AATF: variants seen among roughly 807,000 people sequenced by gnomAD.
AATF encodes the protein protein AATF.
A neutral mutation model predicts 63.7 loss-of-function variants in AATF; 48 were observed. The ratio of observed to expected loss-of-function variants is 0.75; its 90% CI spans 0.60 to 0.96. The LOEUF (loss-of-function observed/expected upper bound fraction) is 0.96. AATF is among the 40% of genes least tolerant of loss of function. AATF has a pLI of 0.00. For missense variants in AATF, 639 were observed against 685.7 expected (o/e 0.93, Z 0.76); for synonymous variants, 258 against 247.7 (o/e 1.04, Z -0.39).
chr17:36,967,491 C>A (rs1486723763), intron 4 of AATF, among the ~76,000 whole-genome samples: 1 of 152,136 alleles, frequency 6.6e-6, no homozygotes, highest in Non-Finnish European at 1.5e-5. Context: ...AGTTGATGTT[C>A]CTTAAGTCTC....
At chr17:36,980,114 T>G (rs2071110599) in intron 4 of AATF, 1 of 152,190 alleles carries the variant, frequency 6.6e-6, no homozygotes, top group South Asian at 2.1e-4. Context: ...CCTTATTTTG[T>G]AAGGACAAGC....
At chr17:37,046,765 A>G (rs2071696571) in intron 11 of AATF, among the ~76,000 whole-genome samples, 1 of 151,494 alleles carries the variant, frequency 6.6e-6, no homozygotes, top group Admixed American at 6.6e-5. Flanking sequence ...ACACACACAC[A>G]CACACGCATG....
At chr17:36,997,053 A>G (rs893072223) in intron 8 of AATF, among the ~76,000 whole-genome samples, 1 of 152,220 alleles carries the variant, frequency 6.6e-6, no homozygotes, top group Non-Finnish European at 1.5e-5. Context: ...ATATGTGGCC[A>G]AAATTACCCT....
At chr17:37,008,502 G>A (rs1164598406) in intron 8 of AATF, among the ~76,000 whole-genome samples, 1 of 152,162 alleles carries the variant, frequency 6.6e-6, no homozygotes, top group Non-Finnish European at 1.5e-5. Flanking sequence ...CTTAGAGAGT[G>A]GGAGATGGAA....
chr17:37,003,491 T>G (rs1459741095), intron 8 of AATF, among the ~76,000 whole-genome samples: 1 of 148,002 alleles, frequency 6.8e-6, no homozygotes, highest in Non-Finnish European at 1.5e-5. Flanking sequence ...TTTTTTTTTT[T>G]TTTTTGAGAC....
intron 10 of AATF, among the ~76,000 whole-genome samples, chr17:37,023,521 A>G (rs184113017): frequency 1.2e-4 from 18 of 149,432 alleles, no homozygotes; most frequent in African/African-American, 3.2e-4. Context: ...AAAAAGAGGC[A>G]TTCTTTTTAA....
intron 4 of AATF, among the ~76,000 whole-genome samples, chr17:36,979,032 A>T (rs2071100674): frequency 6.6e-6 from 1 of 152,024 alleles, no homozygotes; most frequent in Non-Finnish European, 1.5e-5. Flanking sequence ...TTTGTAATCA[A>T]TGCCCAAAGT....
intron 10 of AATF, among the ~76,000 whole-genome samples, chr17:37,023,498 T>C (rs548148172): frequency 6.6e-6 from 1 of 151,020 alleles, no homozygotes; most frequent in Non-Finnish European, 1.5e-5. Context: ...CTTATTCTTT[T>C]TAAACAGAGT....
chr17:37,048,662 C>T (rs2071717833), intron 11 of AATF, among the ~76,000 whole-genome samples: 1 of 152,158 alleles, frequency 6.6e-6, no homozygotes, highest in Non-Finnish European at 1.5e-5. Flanking sequence ...TGAGCCACTG[C>T]GCCCAGCCTT....
At chr17:37,051,697 G>GACAGACAGACAGACAGACACACACAC (rs1242892984) in intron 11 of AATF, among the ~76,000 whole-genome samples, 12 of 137,140 alleles carry the variant, frequency 8.8e-5, no homozygotes, top group African/African-American at 3.1e-4. Context: ...CAGACAGACA[G>GACAGACAGACAGACAGACACACACAC]ACACACACAC....
intron 10 of AATF, among the ~76,000 whole-genome samples, chr17:37,027,041 C>T (rs533693429): frequency 1.3e-5 from 2 of 152,198 alleles, no homozygotes; most frequent in East Asian, 3.9e-4. Flanking sequence ...TTAACATTAC[C>T]TTCTGGAAAC....
intron 7 of AATF, 146 bp downstream of exon 7, chr17:36,989,557 C>T (rs1021465917): frequency 9.8e-6 from 8 of 817,280 alleles, no homozygotes; most frequent in Non-Finnish European, 1.4e-5. Flanking sequence ...CTGAGAGAAA[C>T]TTGAGTGTAT....
At chr17:37,009,957 T>C (rs1178030720) in intron 8 of AATF, among the ~76,000 whole-genome samples, 4 of 151,974 alleles carry the variant, frequency 2.6e-5, no homozygotes, top group Non-Finnish European at 2.9e-5. Flanking sequence ...GTCATATCAT[T>C]GAAAATGGCA....
At chr17:36,988,419 G>A in intron 5 of AATF, 100 bp from the exon 6 acceptor site, 1 of 1,134,852 alleles carries the variant, frequency 8.8e-7, no homozygotes. Context: ...AGACAGAACA[G>A]GTAAGGCCTA....
chr17:37,041,116 T>C (rs1418110378), intron 11 of AATF, among the ~76,000 whole-genome samples: 3 of 152,242 alleles, frequency 2.0e-5, no homozygotes. Context: ...TTAATACTTT[T>C]ACATGTTTTC....
At chr17:37,020,172 A>G (rs1567986360) in intron 9 of AATF, among the ~76,000 whole-genome samples, 1 of 152,068 alleles carries the variant, frequency 6.6e-6, no homozygotes, top group African/African-American at 2.4e-5. Flanking sequence ...CTTATCTAAA[A>G]TGACTGCAGA....
intron 11 of AATF, 74 bp from the exon 12 acceptor site, chr17:37,056,527 C>G: frequency 1.3e-6 from 2 of 1,496,464 alleles, no homozygotes; most frequent in South Asian, 2.3e-5. Flanking sequence ...GGGGTATTTT[C>G]CAGCTTCTGC....
intron 4 of AATF, among the ~76,000 whole-genome samples, chr17:36,982,297 G>A (rs1314913939): frequency 6.8e-6 from 1 of 147,632 alleles, no homozygotes. Flanking sequence ...TCTATACAAC[G>A]ATGAACTGTG....
At chr17:36,990,884 A>G (rs1231004945) in intron 8 of AATF, 27 bp downstream of exon 8, 1 of 1,482,358 alleles carries the variant, frequency 6.7e-7, no homozygotes, top group Non-Finnish European at 9.1e-7. Context: ...CTCTTGTTAC[A>G]AATCATGTTT....
Sources: gnomAD v4.1 joint callset for allele counts (sites outside exome capture counted in the v4.1 genomes callset) on GRCh38, gnomAD v4.1.1 for gene constraint, MANE v1.5 for transcripts, NCBI Gene and HGNC (gene_info 2026-07-23, HGNC 2026-07-21) for gene names.